The following NRG3 variants were observed in gnomAD, a reference collection of about 807,000 sequenced individuals.
The protein encoded by NRG3 is neuregulin 3, also known as pro-neuregulin-3, membrane-bound isoform.
Under a neutral mutation model 66.9 loss-of-function variants are expected in NRG3, and 31 were observed. That is an observed-to-expected ratio of 0.46 (90% CI 0.35 to 0.63). The LOEUF (loss-of-function observed/expected upper bound fraction) is 0.63. Among genes scored for constraint, NRG3 ranks in the 20% least tolerant of loss-of-function variants. The pLI, the probability that NRG3 is intolerant of heterozygous loss-of-function variation, is 0.00. For synonymous variants in NRG3, 393 were observed against 359.4 expected, an observed-to-expected ratio of 1.09 and a Z score of -1.06; for missense variants, 910 against 878.9, an observed-to-expected ratio of 1.04 and a Z score of -0.45.
chr10:82,526,353 A>G (rs1846693274), intron 2 of NRG3, among the ~76,000 whole-genome samples: 1 of 151,828 alleles, frequency 6.6e-6, no homozygotes, highest in Non-Finnish European at 1.5e-5. Context: ...TTGAAAGTAC[A>G]AATTTGAAAG....
In NRG3 at chr10:82,895,273, C is replaced by T. The variant is rs981468444; in HGVS notation, c.1054+29836C>T. On this transcript the variant is annotated intron_variant, in intron 4 of 8. Transcript: ENST00000372141. ...AGGGGGTGTGTCACTCATTTCAGAC[C>T]TCCAGCCCTTAGCACTGTTCCCCAC... Among the ~76,000 whole-genome samples the T allele has an allele frequency of 2.0e-5, 3 of 152,222 alleles. No individual in the cohort carries two copies. The Middle Eastern group carries it at 0.01, about 518-fold the overall frequency.
chr10:82,821,635 G>A (rs956681686), intron 3 of NRG3, among the ~76,000 whole-genome samples: 1 of 152,114 alleles, frequency 6.6e-6, no homozygotes, highest in African/African-American at 2.4e-5. Context: ...TAGAAAGCCA[G>A]CCCTGCAGAG....
chr10:82,199,934 A>G (rs1388058860), intron 1 of NRG3, among the ~76,000 whole-genome samples: 1 of 151,410 alleles, frequency 6.6e-6, no homozygotes. Flanking sequence ...AGGAAGTAGA[A>G]TAAAGGACTA....
At chr10:82,540,261 T>C (rs1354608313) in intron 2 of NRG3, among the ~76,000 whole-genome samples, 1 of 152,146 alleles carries the variant, frequency 6.6e-6, no homozygotes, top group African/African-American at 2.4e-5. Flanking sequence ...CCCAATATGC[T>C]TTAGAACTGA....
At chr10:82,900,613 T>C (rs1844123247) in intron 4 of NRG3, among the ~76,000 whole-genome samples, 1 of 152,188 alleles carries the variant, frequency 6.6e-6, no homozygotes, top group East Asian at 1.9e-4. Context: ...TTATGTCAGA[T>C]ATTCTGCTAA....
At chr10:82,381,349 T>G (rs2135853613) in intron 2 of NRG3, among the ~76,000 whole-genome samples, 1 of 152,302 alleles carries the variant, frequency 6.6e-6, no homozygotes, top group African/African-American at 2.4e-5. Flanking sequence ...AACTAACATC[T>G]ATTGATCCTT....
At chr10:82,539,374 A>C (rs554431476) in intron 2 of NRG3, among the ~76,000 whole-genome samples, 82 of 152,256 alleles carry the variant, frequency 5.4e-4, no homozygotes, top group African/African-American at 1.8e-3. Context: ...TAATCAAAGG[A>C]TTGCTTTGTG....
intron 1 of NRG3, among the ~76,000 whole-genome samples, chr10:82,189,510 G>T (rs527816142): frequency 6.6e-6 from 1 of 151,900 alleles, no homozygotes; most frequent in Non-Finnish European, 1.5e-5. Context: ...AAAAAAATTG[G>T]GCTGGGCGTG....
intron 2 of NRG3, among the ~76,000 whole-genome samples, chr10:82,423,711 T>C (rs1040573945): frequency 6.6e-6 from 1 of 151,996 alleles, no homozygotes; most frequent in Non-Finnish European, 1.5e-5. Context: ...TTTAAAGGTG[T>C]TGATATTCAC....
At chr10:82,544,657 C>G (rs1054022486) in intron 2 of NRG3, among the ~76,000 whole-genome samples, 1 of 152,160 alleles carries the variant, frequency 6.6e-6, no homozygotes, top group African/African-American at 2.4e-5. Context: ...GTTTGCTCTA[C>G]ACATCCATTG....
intron 2 of NRG3, among the ~76,000 whole-genome samples, chr10:82,573,538 G>A (rs1354344600): frequency 6.6e-6 from 1 of 151,764 alleles, no homozygotes; most frequent in Non-Finnish European, 1.5e-5. Context: ...CGCATAGTAT[G>A]TGATTCCTTT....
intron 1 of NRG3, among the ~76,000 whole-genome samples, chr10:82,224,790 T>C (rs1453489480): frequency 6.6e-6 from 1 of 152,108 alleles, no homozygotes; most frequent in Non-Finnish European, 1.5e-5. Context: ...AAAAATTCAA[T>C]AGCTATTCAT....
At chr10:81,991,988 C>T (rs770855600) in intron 1 of NRG3, among the ~76,000 whole-genome samples, 10 of 152,132 alleles carry the variant, frequency 6.6e-5, no homozygotes, top group East Asian at 5.8e-4. Flanking sequence ...TCATGCTTTA[C>T]GTTTTTACTT....
chr10:82,431,100 C>T (rs1411219445), intron 2 of NRG3, among the ~76,000 whole-genome samples: 1 of 152,090 alleles, frequency 6.6e-6, no homozygotes, highest in East Asian at 1.9e-4. Context: ...ACTGGTATCA[C>T]CACATCAGAA....
At chr10:81,969,681 C>T (rs955121695) in intron 1 of NRG3, among the ~76,000 whole-genome samples, 2 of 152,122 alleles carry the variant, frequency 1.3e-5, no homozygotes, top group African/African-American at 4.8e-5. Flanking sequence ...GTATCAGGTA[C>T]TAGAAAAAGT....
intron 2 of NRG3, among the ~76,000 whole-genome samples, chr10:82,536,009 T>A (rs1847779322): frequency 6.6e-6 from 1 of 151,970 alleles, no homozygotes; most frequent in Non-Finnish European, 1.5e-5. Flanking sequence ...AGCTGAGATA[T>A]TCGCCAAATG....
chr10:81,950,039 G>A (rs1849199696), intron 1 of NRG3, among the ~76,000 whole-genome samples: 1 of 152,152 alleles, frequency 6.6e-6, no homozygotes, highest in Non-Finnish European at 1.5e-5. Flanking sequence ...CCTGCTCGAA[G>A]ACCAACTCTT....
At chr10:82,057,230 G>A (rs780908027) in intron 1 of NRG3, among the ~76,000 whole-genome samples, 4 of 151,546 alleles carry the variant, frequency 2.6e-5, no homozygotes, top group Non-Finnish European at 5.9e-5. Flanking sequence ...TCTTTTTAAC[G>A]TTACATTTTT....
At chr10:82,204,299 A>C (rs2075003996) in intron 1 of NRG3, among the ~76,000 whole-genome samples, 1 of 152,196 alleles carries the variant, frequency 6.6e-6, no homozygotes, top group Non-Finnish European at 1.5e-5. Flanking sequence ...TCTTATACTT[A>C]TCACAGTCTA....
Sources: gnomAD v4.1 joint callset for allele counts (sites outside exome capture counted in the v4.1 genomes callset) on GRCh38, gnomAD v4.1.1 for gene constraint, MANE v1.5 for transcripts, NCBI Gene and HGNC (gene_info 2026-07-23, HGNC 2026-07-21) for gene names.